Variants in HUWE1 observed in about 807,000 individuals in gnomAD.
The protein encoded by HUWE1 is HECT, UBA and WWE domain containing E3 ubiquitin protein ligase 1.
Under a neutral mutation model 299.4 loss-of-function variants are expected in HUWE1, and 18 were observed. That is an observed-to-expected ratio of 0.06 (90% CI 0.04 to 0.09). HUWE1 has a LOEUF of 0.09. HUWE1 is among the 10% of genes least tolerant of loss of function. HUWE1 has a pLI of 1.00. For synonymous variants in HUWE1, 1,317 were observed against 1,286.1 expected (o/e 1.02, Z -0.51); for missense variants, 1,832 against 3,462.3 (o/e 0.53, Z 11.82).
chrX:53,640,682 C>T (rs6638361), intron 7 of HUWE1, among the ~76,000 whole-genome samples: 43,776 of 110,109 alleles, frequency 0.4, 7,738 homozygotes, highest in Non-Finnish European at 0.53. Context: ...GCAAGCCTCT[C>T]AAAGGTAAAA....
Position 53,645,720 on chromosome X carries a change from GA to G in HUWE1, c.352-258del, listed in dbSNP as rs1228305226. ...AGAGGGAGACTCTGTCTCAAAAAAAGAAAAAAAAAAAAAAAAATATATATAT... is the reference window on the plus strand; with the variant it reads ...AGAGGGAGACTCTGTCTCAAAAAAAGAAAAAAAAAAAAAAAATATATATAT... On this transcript the variant is annotated intron_variant, in intron 6 of 83. Coordinates refer to ENST00000262854, the MANE Select transcript of HUWE1 (RefSeq NM_031407.7). Among the ~76,000 whole-genome samples, 143 of 24,402 alleles carry G rather than the reference GA, an allele frequency of 5.9e-3. 1 individual carries two copies. The highest frequency in any genetic ancestry group is 0.011 in the East Asian group (6 of 545). 21.2% of individuals were successfully genotyped at this position (24,402 alleles called of 115,157 possible).
At chrX:53,555,422 C>T (rs1556933609) in intron 60 of HUWE1, among the ~76,000 whole-genome samples, 1 of 108,203 alleles carries the variant, frequency 9.2e-6, no homozygotes, top group African/African-American at 3.4e-5. Flanking sequence ...ACCTCCCGGG[C>T]TCAGGTGATC....
At chrX:53,556,126 C>T (rs1433323721) in intron 60 of HUWE1, 1 of 331,569 alleles carries the variant, frequency 3.0e-6, no homozygotes, top group African/African-American at 2.7e-5. Context: ...CCCTAAACAC[C>T]ATCTGTCCCC....
chrX:53,623,973 T>C (rs1346037824), intron 19 of HUWE1, among the ~76,000 whole-genome samples: 5 of 112,362 alleles, frequency 4.4e-5, no homozygotes, highest in African/African-American at 9.7e-5. Flanking sequence ...ATAAACAAAA[T>C]GTATGATAAT....
chrX:53,639,612 A>T (rs782584657), intron 7 of HUWE1, among the ~76,000 whole-genome samples: 4 of 112,296 alleles, frequency 3.6e-5, no homozygotes, highest in Non-Finnish European at 7.5e-5. Flanking sequence ...ATATGAAGAT[A>T]ATATATAGAG....
At chrX:53,671,064 G>A (rs782056104) in intron 3 of HUWE1, among the ~76,000 whole-genome samples, 61 of 111,299 alleles carry the variant, frequency 5.5e-4, no homozygotes, top group Non-Finnish European at 8.3e-4. Context: ...TTTACATTCC[G>A]GTTGTAGAAA....
At position 53,607,845 on chromosome X, in the gene HUWE1, T is replaced by C. The variant is rs1011782967; in HGVS notation, c.2320-146A>G. 5.3e-5 allele frequency: 24 copies of C among 456,129 alleles called. No homozygotes were observed. In the East Asian group the frequency reaches 8.1e-4, roughly 15 times the overall value. 37.6% of individuals were successfully genotyped at this position (456,129 alleles called of 1,213,427 possible). A position where few individuals can be genotyped will look rare whatever the true frequency, so the allele number is the denominator to read the frequency against. On this transcript the variant is annotated intron_variant, in intron 24 of 83. Coordinates refer to ENST00000262854, the MANE Select transcript of HUWE1 (RefSeq NM_031407.7). ...AACCTCAGATAAACCAGATGTATGA[T>C]ACGGATTCTAAAACATCCAGGAAGT...
At chrX:53,638,866 T>G (rs1479384724) in intron 7 of HUWE1, among the ~76,000 whole-genome samples, 1 of 112,144 alleles carries the variant, frequency 8.9e-6, no homozygotes, top group East Asian at 2.8e-4. Context: ...TTCTGGAGAA[T>G]TTTCCCTACA....
chrX:53,552,561 A>G, intron 62 of HUWE1, 77 bp downstream of exon 62: 1 of 1,201,964 alleles, frequency 8.3e-7, no homozygotes, highest in Middle Eastern at 2.3e-4. Flanking sequence ...AAGCATGTCC[A>G]TTAGTTGACG....
At chrX:53,557,282 A>G in intron 60 of HUWE1, 100 bp downstream of exon 60, 1 of 687,393 alleles carries the variant, frequency 1.5e-6, no homozygotes, top group Non-Finnish European at 2.4e-6. Flanking sequence ...ACAGAGCACC[A>G]GTGTCCATCT....
intron 78 of HUWE1, chrX:53,537,249 A>T (rs1289276089): frequency 3.1e-6 from 1 of 324,501 alleles, no homozygotes; most frequent in Admixed American, 4.6e-5. Context: ...CCACTCATAC[A>T]TGGTCATTCC....
At chrX:53,616,822 T>A in intron 21 of HUWE1, 148 bp downstream of exon 21, 1 of 481,730 alleles carries the variant, frequency 2.1e-6, no homozygotes, top group South Asian at 3.3e-5. Flanking sequence ...GCTGAAGTAT[T>A]CCTTCTGAAG....
chrX:53,579,161 C>T (rs1216963768), intron 43 of HUWE1, among the ~76,000 whole-genome samples: 1 of 64,646 alleles, frequency 1.5e-5, no homozygotes, highest in Admixed American at 1.5e-4. Context: ...GTGAGGACCC[C>T]TCTGCCCGGC....
At chrX:53,586,399 T>TA in intron 39 of HUWE1, 91 bp downstream of exon 39, 1 of 577,917 alleles carries the variant, frequency 1.7e-6, no homozygotes, top group Non-Finnish European at 3.0e-6. Context: ...GAGACTTCTA[T>TA]ATTCTTCACT....
chrX:53,648,341 T>A, intron 4 of HUWE1, 31 bp from the exon 5 acceptor site: 1 of 929,990 alleles, frequency 1.1e-6, no homozygotes, highest in Non-Finnish European at 1.6e-6. Context: ...ACAAAAGATG[T>A]TTTGGAATGA....
chrX:53,562,893 A>G lies in HUWE1; in HGVS notation c.7142T>C (p.Val2381Ala). The change falls in exon 53 of 84, where the codon GTG (valine) becomes GCG (alanine). Residue 2381 changes from valine to alanine, a missense_variant. By Grantham distance (64) the Val-to-Ala change is moderately conservative. Transcript: ENST00000262854. ...RSGEDESQED[V>A]LMDEAPSNLS... ...GTTGGAAGGAGCTTCATCCATCAGC[A>G]CGTCCTCTTGTGATTCATCCTCTCC... 1.7e-6 allele frequency: 2 copies of G among 1,211,387 alleles called. No homozygotes were observed. The highest frequency in any genetic ancestry group is 2.2e-6 in the Non-Finnish European group (2 of 895,096).
intron 24 of HUWE1, among the ~76,000 whole-genome samples, 180 bp downstream of exon 24, chrX:53,608,672 G>C (rs1233607698): frequency 1.8e-5 from 2 of 112,201 alleles, no homozygotes; most frequent in Non-Finnish European, 3.8e-5. Context: ...AATGGGGCTT[G>C]TGTTGGCTAA....
At chrX:53,639,573 G>A (rs2067440667) in intron 7 of HUWE1, among the ~76,000 whole-genome samples, 1 of 111,029 alleles carries the variant, frequency 9.0e-6, no homozygotes, top group Admixed American at 9.6e-5. Flanking sequence ...TGTAACTGAA[G>A]GACAAAAACA....
intron 3 of HUWE1, among the ~76,000 whole-genome samples, chrX:53,664,075 G>A (rs1159719459): frequency 9.0e-6 from 1 of 110,588 alleles, no homozygotes; most frequent in Non-Finnish European, 1.9e-5. Flanking sequence ...TAAAGAAACA[G>A]GGTCTCATTC....
Sources: allele counts gnomAD v4.1 joint callset (sites outside exome capture counted in the v4.1 genomes callset), GRCh38; gene constraint gnomAD v4.1.1; transcripts MANE v1.5; gene names NCBI Gene and HGNC (gene_info 2026-07-23, HGNC 2026-07-21).